NDUFA11: variants seen among roughly 807,000 people sequenced by gnomAD.
The protein encoded by NDUFA11 is NADH:ubiquinone oxidoreductase subunit A11.
A neutral mutation model predicts 11.3 loss-of-function variants in NDUFA11; 14 were observed. That is an observed-to-expected ratio of 1.24 (90% confidence interval 0.82 to 1.94). The LOEUF (loss-of-function observed/expected upper bound fraction) is 1.94. Ranked by LOEUF, NDUFA11 falls within the 30% of genes most tolerant of loss-of-function variation. The probability of loss-of-function intolerance (pLI) is 0.00; values close to 1 mark genes in which losing one functional copy is unlikely to be tolerated. For missense variants in NDUFA11, 204 were observed against 200.3 expected, an observed-to-expected ratio of 1.02 and a Z score of -0.11; for synonymous variants, 87 against 85.6, an observed-to-expected ratio of 1.02 and a Z score of -0.09.
Position 5,896,523 on chromosome 19 carries a change from G to A in NDUFA11, c.243C>T (p.Arg81=), listed in dbSNP as rs1476111935. 9.6e-6 allele frequency: 15 copies of A among 1,569,110 alleles called. No homozygotes were observed. The highest frequency in any genetic ancestry group is 2.3e-5 in the East Asian group (1 of 42,722). Residue 81 remains arginine (R), a synonymous_variant, in exon 3 of 4, where the codon CGC becomes CGT. Transcript: ENST00000308961. This position sits in a 1 kb window ranked among gnomAD's most constrained non-coding sequence, Gnocchi z 5.8. ...GLTTCISAHV[R]EKPDDPLNYF... ...AGTTCAGGGGGTCGTCGGGCTTCTC[G>A]CGGACATGGGCGCTGATGCAGGTGG...
chr19:5,894,586 G>T (rs529021545), downstream of NDUFA11: 4 of 1,461,236 alleles, frequency 2.7e-6, no homozygotes, highest in East Asian at 5.0e-5. Flanking sequence ...TGTGCAGGGG[G>T]CCTTATCTTA....
At chr19:5,893,731 GAGA>G (rs760123469), downstream of NDUFA11, among the ~76,000 whole-genome samples, 2 of 152,220 alleles carry the variant, frequency 1.3e-5, no homozygotes, top group African/African-American at 2.4e-5. This position sits in a 1 kb window ranked among gnomAD's most constrained non-coding sequence, Gnocchi z 4.1. Context: ...GGGGTGGACA[GAGA>G]AGGATATGAG....
intron 1 of NDUFA11, among the ~76,000 whole-genome samples, chr19:5,900,288 G>A (rs557572753): frequency 1.3e-5 from 2 of 152,306 alleles, no homozygotes; most frequent in East Asian, 1.9e-4. Context: ...TTCAGCTACT[G>A]CCACTCATTC....
downstream of NDUFA11, chr19:5,892,943 T>C (rs1678868): frequency 0.46 from 676,441 of 1,454,928 alleles, 160,519 homozygotes; most frequent in East Asian, 0.71. Context: ...GAACCCAGAG[T>C]GTTTAACAAT....
At chr19:5,899,153 T>C (rs1397857735) in intron 1 of NDUFA11, among the ~76,000 whole-genome samples, 1 of 150,866 alleles carries the variant, frequency 6.6e-6, no homozygotes, top group Non-Finnish European at 1.5e-5. Flanking sequence ...AGATTCTTTT[T>C]TTTTTTTTTT....
rs565009355 is a variant in NDUFA11, at chr19:5,896,447, A to G, written c.313+6T>C. ...GGAGGGTGGGGGTGGGGAGGGGGCC[A>G]CTCACTGCGTGCTCCCAGAGTCAGG... On this transcript the variant is annotated splice_donor_region_variant and intron_variant, in intron 3 of 3. Transcript: ENST00000308961. This position sits in a 1 kb window ranked among gnomAD's most constrained non-coding sequence, Gnocchi z 5.8. The G allele has an allele frequency of 3.9e-5, 61 of 1,567,098 alleles. No homozygotes were observed. In the East Asian group the frequency reaches 1.2e-3, roughly 31 times the overall value.
chr19:5,898,878 T>TAA (rs34771049), intron 1 of NDUFA11, among the ~76,000 whole-genome samples: 10 of 82,536 alleles, frequency 1.2e-4, no homozygotes, highest in South Asian at 8.5e-4. Flanking sequence ...CGTCTCAAAA[T>TAA]AAAAAAAAAA....
At chr19:5,893,901 A>G (rs1259499990), downstream of NDUFA11, among the ~76,000 whole-genome samples, 1 of 152,126 alleles carries the variant, frequency 6.6e-6, no homozygotes, top group African/African-American at 2.4e-5. This position sits in a 1 kb window ranked among gnomAD's most constrained non-coding sequence, Gnocchi z 4.1. Context: ...CATCCCAGCC[A>G]GGGCTGTGCA....
At chr19:5,892,811 C>T (rs767959181), downstream of NDUFA11, 36 of 1,335,640 alleles carry the variant, frequency 2.7e-5, no homozygotes, top group Middle Eastern at 1.9e-4. Context: ...GAGGTGGAAT[C>T]GTCTTTCTTT....
chr19:5,901,530 C>T (rs2057645302), intron 1 of NDUFA11: 1 of 1,201,010 alleles, frequency 8.3e-7, no homozygotes, highest in Non-Finnish European at 1.1e-6. Context: ...ATGATTAGGT[C>T]TGCCCTAATT....
intron 1 of NDUFA11, 79 bp downstream of exon 1, chr19:5,903,533 C>T: frequency 7.3e-7 from 1 of 1,370,892 alleles, no homozygotes; most frequent in Non-Finnish European, 1.0e-6. Flanking sequence ...CAGACCCGTT[C>T]GATCCAAACA....
intron 1 of NDUFA11, chr19:5,901,562 G>A (rs2057645489): frequency 4.3e-6 from 4 of 923,760 alleles, no homozygotes; most frequent in East Asian, 6.5e-5. Flanking sequence ...CAATGGAGCC[G>A]CAACTTTGGC....
chr19:5,900,676 G>A (rs1026876442), intron 1 of NDUFA11, among the ~76,000 whole-genome samples: 11 of 152,214 alleles, frequency 7.2e-5, no homozygotes, highest in African/African-American at 2.2e-4. Flanking sequence ...CCAGCACTTT[G>A]GGAGGCCAAG....
At chr19:5,894,267 C>T (rs368077497), downstream of NDUFA11, among the ~76,000 whole-genome samples, 153 of 152,288 alleles carry the variant, frequency 1.0e-3, no homozygotes, top group Non-Finnish European at 1.6e-3. Flanking sequence ...AGGGCCTGGG[C>T]GTGTTTTCCA....
rs1599693179 is a variant in NDUFA11 at position 5,896,813 on chromosome 19, G to T, written c.190+92C>A. ...GCCAGCACTGTGGACACGGGCTGGG[G>T]AGTCAGAGAGAAGAGGCAGCCGTCA... On this transcript the variant is annotated intron_variant, in intron 2 of 3. Transcript: ENST00000308961. The surrounding 1 kb of genome is among the most constrained non-coding windows in gnomAD (Gnocchi z 5.8). The T allele has an allele frequency of 1.6e-6, 2 of 1,256,664 alleles. No homozygotes were observed. Among genetic ancestry groups the T allele is most frequent in the African/African-American group, 2.9e-5 (2 of 67,900 alleles). 77.8% of individuals were successfully genotyped at this position (1,256,664 alleles called of 1,614,324 possible).
At chr19:5,892,742 A>T, downstream of NDUFA11, 4 of 851,722 alleles carry the variant, frequency 4.7e-6, no homozygotes, top group South Asian at 1.3e-4. Context: ...CGCAGTAGAG[A>T]CAGAGGCCGG....
At chr19:5,903,303 G>C (rs2057657333) in intron 1 of NDUFA11, among the ~76,000 whole-genome samples, 1 of 151,974 alleles carries the variant, frequency 6.6e-6, no homozygotes, top group Non-Finnish European at 1.5e-5. Context: ...TAGCTCCTTG[G>C]ACCTGATAAT....
At chr19:5,895,539 C>G (rs697029) in intron 3 of NDUFA11, 137,105 of 152,834 alleles carry the variant, frequency 0.9, 61,757 homozygotes, top group African/African-American at 0.97. Context: ...TGACGGCGTA[C>G]GCCCTGCCCT....
chr19:5,900,128 C>G (rs2057635716), intron 1 of NDUFA11: 1 of 152,248 alleles, frequency 6.6e-6, no homozygotes, highest in Non-Finnish European at 1.5e-5. Context: ...TCTGCCCCAG[C>G]TGTCATCCAG....
Sources: gnomAD v4.1 joint callset for allele counts (sites outside exome capture counted in the v4.1 genomes callset) on GRCh38, gnomAD v4.1.1 for gene constraint, Gnocchi (gnomAD v3.1) non-coding constraint, MANE v1.5 for transcripts, NCBI Gene and HGNC (gene_info 2026-07-23, HGNC 2026-07-21) for gene names.